Variants in EVL observed in about 807,000 individuals in gnomAD.
EVL encodes Enah/Vasp-like.
Under a neutral mutation model 59.6 loss-of-function variants are expected in EVL, and 21 were observed. That is an observed-to-expected ratio of 0.35 (90% confidence interval 0.25 to 0.51). The LOEUF (loss-of-function observed/expected upper bound fraction) is 0.51. EVL is among the 20% of genes least tolerant of loss of function. The pLI is 0.97. For synonymous variants in EVL, 198 were observed against 203.5 expected (o/e 0.97, Z 0.23); for missense variants, 462 against 546.6 (o/e 0.85, Z 1.54).
intron 1 of EVL, among the ~76,000 whole-genome samples, chr14:100,038,354 C>T (rs1222138506): frequency 6.6e-6 from 1 of 152,186 alleles, no homozygotes; most frequent in South Asian, 2.1e-4. Context: ...GACAAACTTC[C>T]CAGCTCTGTT....
chr14:100,075,923 C>T (rs2062152095), intron 1 of EVL, among the ~76,000 whole-genome samples: 1 of 152,212 alleles, frequency 6.6e-6, no homozygotes, highest in East Asian at 1.9e-4. Context: ...CATTCTCATA[C>T]ACCCATTTTG....
intron 9 of EVL, 47 bp from the exon 10 acceptor site, chr14:100,137,531 G>T: frequency 6.2e-7 from 1 of 1,600,348 alleles, no homozygotes; most frequent in South Asian, 1.1e-5. Context: ...GGTGGCTACT[G>T]AGTCCCTTCA....
Position 100,135,899 on chromosome 14 carries a change from T to C in EVL, c.901-6T>C. The C allele has an allele frequency of 6.2e-7, 1 of 1,613,906 alleles. No individual in the cohort carries two copies. The highest frequency in any genetic ancestry group is 8.5e-7 in the Non-Finnish European group (1 of 1,179,928). On this transcript the variant is annotated splice_region_variant and splice_polypyrimidine_tract_variant and intron_variant, in intron 8 of 13. Transcript: ENST00000392920. ...CCTAAACAGACTCCCTTCTTCTCCA[T>C]TTTAGGAAGATCCTAGTACCTCCCC...
At chr14:100,132,875 C>G in intron 8 of EVL, 96 bp downstream of exon 8, 14 of 1,364,062 alleles carry the variant, frequency 1.0e-5, no homozygotes, top group South Asian at 2.3e-5. Context: ...TTGGGACATG[C>G]GTGGGATGGG....
intron 1 of EVL, among the ~76,000 whole-genome samples, chr14:100,023,767 T>C (rs1254239390): frequency 6.6e-6 from 1 of 152,186 alleles, no homozygotes; most frequent in Non-Finnish European, 1.5e-5. Context: ...CAGCCTCCTT[T>C]TGCCTTTTTT....
chr14:100,055,729 G>C (rs532830712), intron 1 of EVL, among the ~76,000 whole-genome samples: 3 of 152,206 alleles, frequency 2.0e-5, no homozygotes, highest in African/African-American at 7.2e-5. Flanking sequence ...TGTCTCTGCT[G>C]TACTTAGATA....
chr14:100,035,117 A>G (rs1385822933), intron 1 of EVL, among the ~76,000 whole-genome samples: 1 of 152,164 alleles, frequency 6.6e-6, no homozygotes, highest in Non-Finnish European at 1.5e-5. Context: ...AAAATGAGAC[A>G]TTATTCCTCA....
intron 1 of EVL, among the ~76,000 whole-genome samples, chr14:100,068,693 C>T (rs1298038973): frequency 2.0e-5 from 3 of 152,108 alleles, no homozygotes; most frequent in Non-Finnish European, 4.4e-5. Flanking sequence ...CACACATGGG[C>T]GTGGGGGAAA....
intron 3 of EVL, among the ~76,000 whole-genome samples, chr14:100,102,636 A>G (rs1395531463): frequency 6.6e-6 from 1 of 152,182 alleles, no homozygotes; most frequent in East Asian, 1.9e-4. Flanking sequence ...AGCAGCTAAG[A>G]GACCTAGATT....
upstream of EVL, among the ~76,000 whole-genome samples, chr14:100,062,575 A>G (rs1269095876): frequency 1.3e-5 from 2 of 152,202 alleles, no homozygotes; most frequent in African/African-American, 4.8e-5. Context: ...ATAGCAAAGT[A>G]GTAGACCTGT....
chr14:100,106,721 TTTTGTGAAACTCGGGCTGG>T (rs1162685949), intron 3 of EVL: 2 of 397,734 alleles, frequency 5.0e-6, no homozygotes, highest in African/African-American at 4.1e-5. Context: ...AGGGTTGAAG[TTTTGTGAAACTCGGGCTGG>T]TTCCTTCCTG....
chr14:100,009,360 A>T (rs2061002177), intron 1 of EVL, among the ~76,000 whole-genome samples: 1 of 152,200 alleles, frequency 6.6e-6, no homozygotes, highest in African/African-American at 2.4e-5. Context: ...TTGCCTTGCC[A>T]GTTGGATGCT....
chr14:100,063,110 TAAATA>T (rs2061865844), upstream of EVL, among the ~76,000 whole-genome samples: 1 of 152,036 alleles, frequency 6.6e-6, no homozygotes, highest in Non-Finnish European at 1.5e-5. Context: ...AAAAAGTAAA[TAAATA>T]AAATGTTACC....
At chr14:100,047,635 T>C (rs1459945225) in intron 1 of EVL, among the ~76,000 whole-genome samples, 1 of 152,190 alleles carries the variant, frequency 6.6e-6, no homozygotes, top group African/African-American at 2.4e-5. Context: ...TATTGTAATA[T>C]CAAAAACTGA....
chr14:100,044,739 G>A (rs1021569881), intron 1 of EVL, among the ~76,000 whole-genome samples: 2 of 152,176 alleles, frequency 1.3e-5, no homozygotes, highest in Non-Finnish European at 2.9e-5. Flanking sequence ...AAGCAGGGGT[G>A]GTCCTCGCTG....
upstream of EVL, among the ~76,000 whole-genome samples, chr14:100,061,460 CAAAAAAAAAAA>C (rs869039779): frequency 1.5e-5 from 1 of 64,584 alleles, no homozygotes; most frequent in African/African-American, 6.6e-5. Context: ...CCTCAGGCTG[CAAAAAAAAAAA>C]AAAAAAAAAA....
At chr14:100,050,922 A>T (rs1338288867) in intron 1 of EVL, among the ~76,000 whole-genome samples, 2 of 151,120 alleles carry the variant, frequency 1.3e-5, no homozygotes, top group Non-Finnish European at 3.0e-5. Context: ...AAAAAAAAAA[A>T]AAAATTAAGA....
chr14:100,019,877 T>G (rs2061090708), intron 1 of EVL, among the ~76,000 whole-genome samples: 1 of 152,210 alleles, frequency 6.6e-6, no homozygotes. Flanking sequence ...GGGTGTTTAC[T>G]GTGTGCAGAA....
intron 1 of EVL, among the ~76,000 whole-genome samples, chr14:100,025,698 C>T (rs1011071549): frequency 5.7e-4 from 87 of 152,068 alleles, no homozygotes; most frequent in African/African-American, 2.1e-3. Flanking sequence ...GAGGCAGAGG[C>T]GGGTGGGTTA....
Sources: gnomAD v4.1 joint callset for allele counts (sites outside exome capture counted in the v4.1 genomes callset) on GRCh38, gnomAD v4.1.1 for gene constraint, MANE v1.5 for transcripts, NCBI Gene and HGNC (gene_info 2026-07-23, HGNC 2026-07-21) for gene names.